NUP62CL: variants seen among roughly 807,000 people sequenced by gnomAD.
NUP62CL encodes nucleoporin 62 C-terminal like.
In NUP62CL, 13 loss-of-function variants were observed where a neutral mutation model predicts 15.3. The ratio of observed to expected loss-of-function variants is 0.85; its 90% confidence interval spans 0.55 to 1.35. The LOEUF is 1.35. Among genes scored for constraint, NUP62CL ranks in the 40% most tolerant of loss-of-function variants. The pLI, the probability that NUP62CL is intolerant of heterozygous loss-of-function variation, is 0.00. For synonymous variants in NUP62CL, 54 were observed against 49.2 expected (o/e 1.10, Z -0.41); for missense variants, 123 against 130.6 (o/e 0.94, Z 0.28).
chrX:107,130,450 G>A (rs1270752942), intron 8 of NUP62CL, among the ~76,000 whole-genome samples: 1 of 112,089 alleles, frequency 8.9e-6, no homozygotes, highest in Non-Finnish European at 1.9e-5. Context: ...AGACAGGCAA[G>A]GTCTCAAAAA....
intron 8 of NUP62CL, among the ~76,000 whole-genome samples, chrX:107,137,189 T>G (rs1441537483): frequency 1.8e-5 from 2 of 111,978 alleles, no homozygotes; most frequent in African/African-American, 6.5e-5. Context: ...CCAGTACCTG[T>G]TCATGGTAAA....
At position 107,154,161 on chromosome X, in the gene NUP62CL, A is replaced by T. The variant is rs761634504; in HGVS notation, c.280T>A (p.Tyr94Asn). Residue 94 changes from tyrosine to asparagine, a missense_variant, in exon 5 of 9, where the codon TAC (tyrosine) becomes AAC (asparagine). Transcript: ENST00000372466. Reference protein sequence around the residue: ...WNLELEDQEKYFLLQATQVNA... With the variant: ...WNLELEDQEKNFLLQATQVNA... The stretch of plus-strand genomic sequence containing the variant: ...ACCTGAGTGGCCTGGAGAAGAAAGT[A>T]CTTCTCTTGATCTTCCAGCTCAAGG... 15 of 1,203,554 alleles carry T rather than the reference A, an allele frequency of 1.2e-5. No homozygotes were observed. The South Asian group carries it at 2.6e-4, about 21-fold the overall frequency.
chrX:107,151,785 C>T (rs1228010131), intron 7 of NUP62CL, among the ~76,000 whole-genome samples: 3 of 107,340 alleles, frequency 2.8e-5, no homozygotes, highest in Non-Finnish European at 5.7e-5. Context: ...AATCCCAGCA[C>T]TTTGGGAGCC....
intron 2 of NUP62CL, among the ~76,000 whole-genome samples, chrX:107,188,908 T>C (rs1410907554): frequency 9.0e-6 from 1 of 111,723 alleles, no homozygotes; most frequent in Non-Finnish European, 1.9e-5. Context: ...ACAAACAGCA[T>C]TCTGTCTTTT....
intron 8 of NUP62CL, among the ~76,000 whole-genome samples, chrX:107,131,301 C>A (rs1426447618): frequency 1.8e-5 from 2 of 111,269 alleles, no homozygotes; most frequent in Non-Finnish European, 3.8e-5. Context: ...ATAGAAATAG[C>A]CTGCTTTAGA....
At chrX:107,204,947 T>A (rs780773106) in intron 1 of NUP62CL, among the ~76,000 whole-genome samples, 166 of 105,802 alleles carry the variant, frequency 1.6e-3, no homozygotes, top group African/African-American at 5.3e-3. Context: ...TTAAATAAAT[T>A]ATTTATTTAA....
chrX:107,131,475 T>C (rs1477486455), intron 8 of NUP62CL, among the ~76,000 whole-genome samples: 1 of 112,350 alleles, frequency 8.9e-6, no homozygotes, highest in Non-Finnish European at 1.9e-5. Context: ...AGCTTTATAA[T>C]GGATAGTAAA....
At position 107,167,662 on chromosome X, in the gene NUP62CL, T is replaced by C. The variant is rs1556024779; in HGVS notation, c.181A>G (p.Thr61Ala). ...SRGFENLVPYTSTVSVVATPV... is the reference protein window; with the variant it reads ...SRGFENLVPYASTVSVVATPV... ...AAATAGGCTTACCTAACAGTTGAAG[T>C]ATAAGGTACAAGGTTTTCAAACCCT... The change falls in exon 4 of 9, where the codon ACT becomes GCT. Residue 61 changes from threonine (T) to alanine (A), a missense_variant. Thr to Ala is a moderately conservative substitution (Grantham distance 58). Transcript: ENST00000372466. 3 of 1,196,642 alleles carry C rather than the reference T, an allele frequency of 2.5e-6. No individual in the cohort carries two copies. Among genetic ancestry groups the C allele is most frequent in the Non-Finnish European group, 3.4e-6 (3 of 887,033 alleles).
chrX:107,172,417 A>G (rs1926675278), intron 3 of NUP62CL, among the ~76,000 whole-genome samples: 1 of 111,980 alleles, frequency 8.9e-6, no homozygotes, highest in Non-Finnish European at 1.9e-5. Flanking sequence ...AAGCCAGATT[A>G]AAACAGATTC....
intron 3 of NUP62CL, among the ~76,000 whole-genome samples, chrX:107,172,328 TA>T (rs1277453282): frequency 1.8e-5 from 2 of 108,633 alleles, no homozygotes; most frequent in East Asian, 2.9e-4. Flanking sequence ...GACTGTATCT[TA>T]AAAAAAAAGG....
intron 4 of NUP62CL, among the ~76,000 whole-genome samples, chrX:107,155,866 T>C (rs779260714): frequency 1.8e-5 from 2 of 111,780 alleles, no homozygotes; most frequent in South Asian, 3.8e-4. Flanking sequence ...CCATCTGAGG[T>C]ACCGGGTTCA....
chrX:107,130,043 C>T (rs1239791988), intron 8 of NUP62CL, among the ~76,000 whole-genome samples: 1 of 110,767 alleles, frequency 9.0e-6, no homozygotes, highest in Admixed American at 9.6e-5. Context: ...AAAAATATAA[C>T]GAGAAAATAG....
chrX:107,156,761 C>G (rs1372018151), intron 4 of NUP62CL, among the ~76,000 whole-genome samples: 1 of 105,274 alleles, frequency 9.5e-6, no homozygotes, highest in Non-Finnish European at 1.9e-5. Flanking sequence ...TCACCAGCAA[C>G]GGAACAAAGC....
intron 4 of NUP62CL, among the ~76,000 whole-genome samples, chrX:107,166,783 T>C (rs1372505680): frequency 9.0e-6 from 1 of 111,429 alleles, no homozygotes; most frequent in Non-Finnish European, 1.9e-5. Context: ...CTTGGGTGGA[T>C]CACAAGGAAT....
chrX:107,134,953 G>A lies in NUP62CL; in HGVS notation c.*43-10621C>T, dbSNP rs754754981. Among the ~76,000 whole-genome samples the A allele has an allele frequency of 6.3e-5, 7 of 111,609 alleles. No individual in the cohort carries two copies. The East Asian group carries it at 1.7e-3, about 27-fold the overall frequency. Reference sequence around the variant, plus strand: ...TGCGGTGGCATGATCTTGGCTCACCGCAACCTCTGCCTCCCAGGTTCAAGC... The same window carrying A: ...TGCGGTGGCATGATCTTGGCTCACCACAACCTCTGCCTCCCAGGTTCAAGC... On this transcript the variant is annotated intron_variant, in intron 8 of 8. Coordinates refer to ENST00000372466, the MANE Select transcript of NUP62CL (RefSeq NM_017681.3).
At chrX:107,157,945 A>C (rs1297035539) in intron 4 of NUP62CL, among the ~76,000 whole-genome samples, 3 of 107,061 alleles carry the variant, frequency 2.8e-5, no homozygotes, top group Admixed American at 1.0e-4. Context: ...TCTACCAAGC[A>C]AATGGAAAAC....
At chrX:107,139,498 C>T (rs1318225773) in intron 8 of NUP62CL, among the ~76,000 whole-genome samples, 1 of 111,809 alleles carries the variant, frequency 8.9e-6, no homozygotes, top group African/African-American at 3.3e-5. Context: ...TAAAAAAAGA[C>T]CAACGCACAC....
In NUP62CL at chrX:107,184,340, AAAGAAAGAAAG is replaced by A. The variant is rs1237619032; in HGVS notation, c.-48+8678_-48+8688del. ...GAAAGAAAGAAAGAAAGAAAGAAAGAAAGAAAGAAAGAAAGAAACTAATTAATTATTGGTAA... is the reference window on the plus strand; with the variant it reads ...GAAAGAAAGAAAGAAAGAAAGAAAGAAAAGAAACTAATTAATTATTGGTAA... On this transcript the variant is annotated intron_variant, in intron 2 of 8. Transcript: ENST00000372466. Among the ~76,000 whole-genome samples the A allele has an allele frequency of 2.9e-4, 24 of 82,096 alleles. No individual in the cohort carries two copies. In the East Asian group the frequency reaches 0.012, roughly 40 times the overall value. The allele number at this position is 82,096 out of a possible 115,157, so 71.3% of individuals were successfully genotyped here.
Position 107,165,077 on chromosome X carries a change from G to A in NUP62CL, c.194+2572C>T, listed in dbSNP as rs764106427. ...GATCGTGCCACTGCACTCCAGCCTGGGCGACAGAGCGAGACTCCGTCTCAA... is the reference window on the plus strand; with the variant it reads ...GATCGTGCCACTGCACTCCAGCCTGAGCGACAGAGCGAGACTCCGTCTCAA... On this transcript the variant is annotated intron_variant, in intron 4 of 8. Transcript: ENST00000372466. 3.2e-3 allele frequency among the ~76,000 whole-genome samples: 354 copies of A among 111,854 alleles called. 2 individuals are homozygous for A. The highest frequency in any genetic ancestry group is 0.011 in the African/African-American group (347 of 30,841).
Sources: gnomAD v4.1 joint callset for allele counts (sites outside exome capture counted in the v4.1 genomes callset) on GRCh38, gnomAD v4.1.1 for gene constraint, MANE v1.5 for transcripts, NCBI Gene and HGNC (gene_info 2026-07-23, HGNC 2026-07-21) for gene names.